MAPK9: variants seen among roughly 807,000 people sequenced by gnomAD.
MAPK9 encodes the protein mitogen-activated protein kinase 9, also known as Jun kinase.
Under a neutral mutation model 57.1 loss-of-function variants are expected in MAPK9, and 30 were observed. That is an observed-to-expected ratio of 0.53 (90% CI 0.39 to 0.71). The LOEUF (loss-of-function observed/expected upper bound fraction) is 0.71, where lower values mean the gene tolerates loss of function less well. Among genes scored for constraint, MAPK9 ranks in the 30% least tolerant of loss-of-function variants. MAPK9 has a pLI of 0.00. For synonymous variants in MAPK9, 155 were observed against 177.0 expected, an observed-to-expected ratio of 0.88 and a Z score of 0.99; for missense variants, 362 against 521.0, an observed-to-expected ratio of 0.69 and a Z score of 2.97.
intron 2 of MAPK9, among the ~76,000 whole-genome samples, chr5:180,274,786 T>TG (rs1761665072): frequency 1.3e-5 from 2 of 152,230 alleles, no homozygotes; most frequent in South Asian, 4.1e-4. Flanking sequence ...ACTAAGTTTG[T>TG]GTTAATGTGT....
intron 2 of MAPK9, among the ~76,000 whole-genome samples, chr5:180,271,955 G>A (rs1468787258): frequency 6.6e-6 from 1 of 152,130 alleles, no homozygotes; most frequent in Non-Finnish European, 1.5e-5. Flanking sequence ...AAAAATGCCA[G>A]TTTTAGCCTA....
At chr5:180,242,544 A>G (rs200137780) in intron 8 of MAPK9, 29 bp downstream of exon 8, 10 of 1,582,106 alleles carry the variant, frequency 6.3e-6, no homozygotes, top group Non-Finnish European at 8.6e-6. Flanking sequence ...ATTACAAAAC[A>G]CAAGTATAAG....
At chr5:180,251,240 T>A (rs1043223764) in intron 5 of MAPK9, among the ~76,000 whole-genome samples, 1 of 152,008 alleles carries the variant, frequency 6.6e-6, no homozygotes, top group African/African-American at 2.4e-5. Flanking sequence ...ATGCACACAC[T>A]TCCCCAGCCA....
intron 4 of MAPK9, among the ~76,000 whole-genome samples, chr5:180,262,277 T>C (rs1183294278): frequency 1.3e-5 from 2 of 152,080 alleles, no homozygotes; most frequent in Non-Finnish European, 2.9e-5. Flanking sequence ...CTACAATATA[T>C]ACGTTTTTAA....
intron 10 of MAPK9, among the ~76,000 whole-genome samples, chr5:180,238,912 A>G (rs902166701): frequency 6.6e-6 from 1 of 152,148 alleles, no homozygotes; most frequent in African/African-American, 2.4e-5. Flanking sequence ...CCTGGACTAC[A>G]TTACATCTTT....
At chr5:180,237,842 T>G (rs1247038551) in intron 11 of MAPK9, 1 of 152,374 alleles carries the variant, frequency 6.6e-6, no homozygotes, top group African/African-American at 2.4e-5. Context: ...TTTATAAAAG[T>G]TGAATCGGGA....
chr5:180,287,742 C>G (rs1030536781), intron 1 of MAPK9, among the ~76,000 whole-genome samples: 1 of 152,198 alleles, frequency 6.6e-6, no homozygotes, highest in Non-Finnish European at 1.5e-5. Flanking sequence ...GTTTCCTCCT[C>G]CAGCCTTTCC....
chr5:180,283,860 G>T (rs1159124381), intron 1 of MAPK9, among the ~76,000 whole-genome samples: 3 of 152,186 alleles, frequency 2.0e-5, no homozygotes, highest in African/African-American at 4.8e-5. Context: ...CATTTGAACC[G>T]GGAGGTGGAG....
intron 2 of MAPK9, among the ~76,000 whole-genome samples, chr5:180,277,614 A>G (rs1184501651): frequency 1.3e-5 from 2 of 151,992 alleles, no homozygotes; most frequent in South Asian, 2.1e-4. Context: ...TGCATGCTAC[A>G]CTCCCCAAAG....
At chr5:180,278,097 T>C (rs1561841157) in intron 2 of MAPK9, among the ~76,000 whole-genome samples, 1 of 152,232 alleles carries the variant, frequency 6.6e-6, no homozygotes, top group Non-Finnish European at 1.5e-5. Context: ...ATTACTAAGA[T>C]TCTAAACAGA....
chr5:180,248,898 A>G, intron 6 of MAPK9, 75 bp downstream of exon 6: 1 of 1,489,200 alleles, frequency 6.7e-7, no homozygotes, highest in Non-Finnish European at 9.0e-7. Context: ...GTTCAAAGGA[A>G]AGAGAAAAAA....
chr5:180,270,907 G>C (rs556004384), intron 2 of MAPK9, among the ~76,000 whole-genome samples: 1 of 147,606 alleles, frequency 6.8e-6, no homozygotes, highest in East Asian at 2.0e-4. Flanking sequence ...TTTGAAAACA[G>C]ACACACTTTT....
At chr5:180,278,527 C>T (rs1413775163) in intron 2 of MAPK9, among the ~76,000 whole-genome samples, 1 of 152,182 alleles carries the variant, frequency 6.6e-6, no homozygotes. Flanking sequence ...TGGGGAAACC[C>T]TGTCTCTACT....
At chr5:180,287,216 G>A (rs1019766333) in intron 1 of MAPK9, 1 of 152,180 alleles carries the variant, frequency 6.6e-6, no homozygotes, top group Non-Finnish European at 1.5e-5. Context: ...GATTGTGGTA[G>A]TGGTTATAGG....
Position 180,287,589 on chromosome 5 carries a change from G to A in MAPK9, c.-48+4259C>T, listed in dbSNP as rs567458381. 2.0e-5 allele frequency among the ~76,000 whole-genome samples: 3 copies of A among 152,194 alleles called. No homozygotes were observed. The East Asian group carries it at 5.8e-4, about 29-fold the overall frequency. On this transcript the variant is annotated intron_variant, in intron 1 of 11. Coordinates refer to ENST00000452135, the MANE Select transcript of MAPK9 (RefSeq NM_002752.5). ...CAACATCAAACCACCTGGGATCAGC[G>A]GACACACCCAGCTACTGCACACCTT...
chr5:180,291,468 C>A (rs932653236), intron 1 of MAPK9, among the ~76,000 whole-genome samples: 1 of 152,216 alleles, frequency 6.6e-6, no homozygotes. Flanking sequence ...CATTTCCCCA[C>A]CTTCCCGAAG....
intron 3 of MAPK9, among the ~76,000 whole-genome samples, chr5:180,266,848 A>G (rs188873625): frequency 7.9e-5 from 12 of 152,316 alleles, no homozygotes; most frequent in African/African-American, 2.4e-4. Context: ...TGACCTGACA[A>G]TGTTGGCCAA....
intron 2 of MAPK9, among the ~76,000 whole-genome samples, chr5:180,277,833 T>C (rs867330764): frequency 2.6e-5 from 4 of 152,336 alleles, no homozygotes; most frequent in Middle Eastern, 3.4e-3. Context: ...AACTAGATTA[T>C]TTCCCAATTC....
In MAPK9 at chr5:180,247,719, T is replaced by C; in HGVS notation, c.617-209A>G. ...GGGGTTTTAGTGCCAAAGAGTCCAA[T>C]ACTTTATAGCTTAAAACAAACAAAC... On this transcript the variant is annotated intron_variant, in intron 6 of 11. Coordinates refer to ENST00000452135, the MANE Select transcript of MAPK9 (RefSeq NM_002752.5). This position sits in a 1 kb window ranked among gnomAD's most constrained non-coding sequence, Gnocchi z 4.5. 2 of 1,054,400 alleles carry C rather than the reference T, an allele frequency of 1.9e-6. No homozygotes were observed. The highest frequency in any genetic ancestry group is 1.4e-6 in the Non-Finnish European group (1 of 695,844). The allele number at this position is 1,054,400 out of a possible 1,614,324, so 65.3% of individuals were successfully genotyped here.
Sources: allele counts gnomAD v4.1 joint callset (sites outside exome capture counted in the v4.1 genomes callset), GRCh38; gene constraint gnomAD v4.1.1; non-coding constraint Gnocchi (gnomAD v3.1); transcripts MANE v1.5; gene names NCBI Gene and HGNC (gene_info 2026-07-23, HGNC 2026-07-21).